The following TUBGCP3 variants were observed in gnomAD, a reference collection of about 807,000 sequenced individuals.
TUBGCP3 encodes the protein tubulin gamma complex component 3.
TUBGCP3 carries 50 observed loss-of-function variants against 123.1 expected under a neutral mutation model. That is an observed-to-expected ratio of 0.41 (90% CI 0.32 to 0.51). The LOEUF (loss-of-function observed/expected upper bound fraction) is 0.51. Ranked by LOEUF, TUBGCP3 falls within the 20% of genes least tolerant of loss-of-function variation. The pLI, the probability that TUBGCP3 is intolerant of heterozygous loss-of-function variation, is 0.36. For synonymous variants in TUBGCP3, 405 were observed against 413.9 expected, an observed-to-expected ratio of 0.98 and a Z score of 0.26; for missense variants, 882 against 1,127.0, an observed-to-expected ratio of 0.78 and a Z score of 3.11.
chr13:112,501,506 A>G (rs1232263915), intron 19 of TUBGCP3, among the ~76,000 whole-genome samples: 1 of 152,178 alleles, frequency 6.6e-6, no homozygotes, highest in Non-Finnish European at 1.5e-5. Context: ...TCTCTCAACA[A>G]TGTGCAAACA....
At chr13:112,487,829 T>C (rs969875996) in intron 21 of TUBGCP3, among the ~76,000 whole-genome samples, 3 of 151,800 alleles carry the variant, frequency 2.0e-5, no homozygotes, top group Non-Finnish European at 4.4e-5. Context: ...TGAAGAAAAA[T>C]AAATATTTAA....
At chr13:112,521,387 G>A (rs1257193073) in intron 14 of TUBGCP3, among the ~76,000 whole-genome samples, 3 of 152,380 alleles carry the variant, frequency 2.0e-5, no homozygotes, top group Admixed American at 1.3e-4. Context: ...AAGGTAGGAT[G>A]TAAGAGCCTG....
chr13:112,558,242 A>C lies in TUBGCP3; in HGVS notation c.502T>G (p.Cys168Gly). ...GSSGISSIGL[C>G]ALSGPAPAPQ... is the part of the protein sequence containing the mutation. ...GCAGGCGCGGGGCCACTGAGGGCAC[A>C]CAGGCCAATGCTGCTGATGCCACTG... Residue 168 changes from cysteine to glycine, a missense_variant, in exon 5 of 22, where the codon TGT becomes GGT. This residue lies in a region of TUBGCP3 where 713 missense variants were observed against 874.0 expected (regional missense o/e 0.82). Coordinates refer to ENST00000261965, the MANE Select transcript of TUBGCP3 (RefSeq NM_006322.6). 1 of 1,612,472 alleles carries C rather than the reference A, an allele frequency of 6.2e-7. No individual in the cohort carries two copies. The highest frequency in any genetic ancestry group is 8.5e-7 in the Non-Finnish European group (1 of 1,179,994).
chr13:112,498,194 A>C (rs886110621), intron 20 of TUBGCP3, among the ~76,000 whole-genome samples: 2 of 152,196 alleles, frequency 1.3e-5, no homozygotes, highest in Non-Finnish European at 2.9e-5. Context: ...AGATCGTTTG[A>C]CTTAAGATTT....
At chr13:112,504,485 CAAA>C (rs34264269) in intron 18 of TUBGCP3, 138 bp downstream of exon 18, 4,081 of 349,890 alleles carry the variant, frequency 0.012, no homozygotes, top group South Asian at 0.019. Flanking sequence ...GACTCCATCT[CAAA>C]AAAAAAAAAA....
At chr13:112,594,876 G>A in the TUBGCP3 span, among the ~76,000 whole-genome samples, 1 of 152,116 alleles carries the variant, frequency 6.6e-6, no homozygotes, top group East Asian at 1.9e-4. Flanking sequence ...AGATTTTCCT[G>A]TTATTTTGTT....
At chr13:112,486,277 A>C in intron 21 of TUBGCP3, 126 bp from the exon 22 acceptor site, 7 of 1,179,306 alleles carry the variant, frequency 5.9e-6, no homozygotes, top group Non-Finnish European at 7.1e-6. Flanking sequence ...CCCTTAGTAA[A>C]TGCCCACCAG....
chr13:112,584,838 C>G (rs1409192508), intron 1 of TUBGCP3, among the ~76,000 whole-genome samples: 1 of 152,160 alleles, frequency 6.6e-6, no homozygotes, highest in African/African-American at 2.4e-5. Flanking sequence ...AGAATAATTA[C>G]GCAAAGACAT....
rs1388650378 is a variant in TUBGCP3 at position 112,508,500 on chromosome 13, C to T, written c.2087-3786G>A. On this transcript the variant is annotated intron_variant, in intron 17 of 21. Coordinates refer to ENST00000261965, the MANE Select transcript of TUBGCP3 (RefSeq NM_006322.6). This position sits in a 1 kb window ranked among gnomAD's most constrained non-coding sequence, Gnocchi z 4.2. ...TCTACAGCCCCCACCCCAACCCCAT[C>T]TTCCTCCTAGCCACGGCACCCTGTG... 6.6e-6 allele frequency among the ~76,000 whole-genome samples: 1 copy of T among 152,174 alleles called. No homozygotes were observed. Among genetic ancestry groups the T allele is most frequent in the Admixed American group, 6.5e-5 (1 of 15,286 alleles).
chr13:112,486,074 G>A lies in TUBGCP3; in HGVS notation c.2643C>T (p.Asp881=), dbSNP rs1879646120. 2 of 1,610,446 alleles carry A rather than the reference G, an allele frequency of 1.2e-6. No homozygotes were observed. The change falls in exon 22 of 22, where the codon GAC becomes GAT. Residue 881 remains aspartate (D), a synonymous_variant. Coordinates refer to ENST00000261965, the MANE Select transcript of TUBGCP3 (RefSeq NM_006322.6). ...CCCTGGCTTTGTAATGCTCGTTGAA[G>A]TCCAGCCTGAAGCTAAGAAACCGAA... The part of the protein sequence containing the change: ...ESLRFLSFRL[D]FNEHYKAREP...
chr13:112,517,519 A>G (rs796398259), intron 16 of TUBGCP3, among the ~76,000 whole-genome samples: 8 of 152,344 alleles, frequency 5.3e-5, no homozygotes, highest in African/African-American at 1.9e-4. Flanking sequence ...TATCTGTACT[A>G]TGGTATCTTT....
chr13:112,493,571 C>A (rs537444513), intron 20 of TUBGCP3, among the ~76,000 whole-genome samples: 1 of 148,222 alleles, frequency 6.7e-6, no homozygotes, highest in Non-Finnish European at 1.5e-5. Flanking sequence ...GTCCCTGAAA[C>A]GCTCTAGCTA....
Position 112,526,934 on chromosome 13 carries a change from C to CA in TUBGCP3, c.1555+7dup. The CA allele has an allele frequency of 6.2e-7, 1 of 1,602,014 alleles. No individual in the cohort carries two copies. Among genetic ancestry groups the CA allele is most frequent in the Non-Finnish European group, 8.6e-7 (1 of 1,169,386 alleles). ...GCCATCATCACCACCCCACCAGCAT[C>CA]ATCATACCGTCCTGGGGTGACTCTG... On this transcript the variant is annotated splice_region_variant and intron_variant, in intron 13 of 21. Coordinates refer to ENST00000261965, the MANE Select transcript of TUBGCP3 (RefSeq NM_006322.6).
chr13:112,574,416 G>C (rs1244099099), intron 1 of TUBGCP3, among the ~76,000 whole-genome samples: 3 of 151,708 alleles, frequency 2.0e-5, no homozygotes, highest in Non-Finnish European at 4.4e-5. Context: ...GAATCTTCAA[G>C]TGGGCACTCT....
chr13:112,512,792 C>A (rs1284873983), intron 17 of TUBGCP3, among the ~76,000 whole-genome samples: 2 of 152,122 alleles, frequency 1.3e-5, no homozygotes, highest in African/African-American at 4.8e-5. Context: ...CTTCAGGGAC[C>A]ATTTCAGAGA....
chr13:112,561,466 C>T lies in TUBGCP3; in HGVS notation c.253-2067G>A, dbSNP rs7990546. ...CTCACCCAAATCACAGAGCTACATG[C>T]AGGGTTCAAACCCAGGTCTGCCCGA... On this transcript the variant is annotated intron_variant, in intron 3 of 21. Coordinates refer to ENST00000261965, the MANE Select transcript of TUBGCP3 (RefSeq NM_006322.6). Among the ~76,000 whole-genome samples the T allele has an allele frequency of 1.3e-3, 192 of 152,332 alleles. 3 individuals are homozygous for T. The highest frequency in any genetic ancestry group is 4.3e-3 in the African/African-American group (180 of 41,562).
At chr13:112,496,166 T>C (rs1235365212) in intron 20 of TUBGCP3, among the ~76,000 whole-genome samples, 1 of 152,196 alleles carries the variant, frequency 6.6e-6, no homozygotes, top group Non-Finnish European at 1.5e-5. Context: ...ACACTGGAGA[T>C]ATATTGATAA....
intron 17 of TUBGCP3, among the ~76,000 whole-genome samples, chr13:112,509,067 T>C (rs982597123): frequency 5.3e-5 from 8 of 152,198 alleles, no homozygotes; most frequent in African/African-American, 1.9e-4. Context: ...CAGCCCCATG[T>C]TGCAGCACAG....
At chr13:112,599,673 G>A in the TUBGCP3 span, among the ~76,000 whole-genome samples, 126 of 151,754 alleles carry the variant, frequency 8.3e-4, 3 homozygotes, top group African/African-American at 3.0e-3. Context: ...GGCCCGCCAA[G>A]TTATTTTTAT....
Sources: allele counts gnomAD v4.1 joint callset (sites outside exome capture counted in the v4.1 genomes callset), GRCh38; gene constraint gnomAD v4.1.1; regional missense constraint gnomAD v4.1.1; non-coding constraint Gnocchi (gnomAD v3.1); transcripts MANE v1.5; gene names NCBI Gene and HGNC (gene_info 2026-07-23, HGNC 2026-07-21).